PLA2G10: variants seen among roughly 807,000 people sequenced by gnomAD.
PLA2G10 encodes the protein group 10 secretory phospholipase A2.
Under a neutral mutation model 7.9 loss-of-function variants are expected in PLA2G10, and 9 were observed. That is an observed-to-expected ratio of 1.14 (90% confidence interval 0.68 to 1.98). The LOEUF (loss-of-function observed/expected upper bound fraction) is 1.98, where lower values mean the gene tolerates loss of function less well. Among genes scored for constraint, PLA2G10 ranks in the 30% most tolerant of loss-of-function variants. The pLI is 0.00. For synonymous variants in PLA2G10, 19 were observed against 27.5 expected (o/e 0.69, Z 0.97); for missense variants, 53 against 65.4 (o/e 0.81, Z 0.66).
chr16:14,675,657 A>G (rs1960705452), intron 3 of PLA2G10, among the ~76,000 whole-genome samples: 2 of 152,064 alleles, frequency 1.3e-5, no homozygotes, highest in South Asian at 4.1e-4. Flanking sequence ...AAGTGGGCAC[A>G]TGGCCAGGCA....
chr16:14,681,635 A>C (rs1201886043), intron 3 of PLA2G10, among the ~76,000 whole-genome samples: 2 of 152,004 alleles, frequency 1.3e-5, no homozygotes, highest in African/African-American at 2.4e-5. Flanking sequence ...TATTTAAGTC[A>C]GGCCCATAAA....
At chr16:14,677,758 G>T (rs1412780765) in intron 3 of PLA2G10, among the ~76,000 whole-genome samples, 2 of 151,612 alleles carry the variant, frequency 1.3e-5, no homozygotes, top group Non-Finnish European at 2.9e-5. Context: ...GATGGACAAT[G>T]GATGGCTGGA....
chr16:14,672,998 C>T (rs1003647992), intron 3 of PLA2G10, among the ~76,000 whole-genome samples: 82 of 150,600 alleles, frequency 5.4e-4, no homozygotes, highest in African/African-American at 2.0e-3. Flanking sequence ...CAATATTACA[C>T]GATTTCTTTT....
At chr16:14,679,462 A>C (rs549146114) in intron 3 of PLA2G10, among the ~76,000 whole-genome samples, 57 of 152,092 alleles carry the variant, frequency 3.7e-4, no homozygotes, top group Middle Eastern at 6.8e-3. Flanking sequence ...GAGTTCAAGA[A>C]CAGCCTGGCC....
intron 3 of PLA2G10, among the ~76,000 whole-genome samples, chr16:14,674,856 C>T (rs895832394): frequency 2.0e-5 from 3 of 152,036 alleles, no homozygotes; most frequent in Non-Finnish European, 4.4e-5. Context: ...AAGCTAAACA[C>T]GTACAACTAA....
In PLA2G10 at chr16:14,688,178, CTGAT is replaced by C; in HGVS notation, c.338_341del (p.Asn113ArgfsTer27). 2.0e-6 allele frequency: 1 copy of C among 495,954 alleles called. No individual in the cohort carries two copies. The highest frequency in any genetic ancestry group is 3.1e-5 in the East Asian group (1 of 32,516). 30.7% of individuals were successfully genotyped at this position (495,954 alleles called of 1,614,324 possible). Reference sequence around the variant, plus strand: ...CTGGGGACTCACCGCACAGGACGCTCTGATTGACGCACTGCCAGGAGTAGCGCTC... The same window carrying C: ...CTGGGGACTCACCGCACAGGACGCTCTGACGCACTGCCAGGAGTAGCGCTC... On this transcript the variant is annotated frameshift_variant, in exon 3 of 4. Coordinates refer to ENST00000438167, the MANE Select transcript of PLA2G10 (RefSeq NM_003561.3). LOFTEE classifies it high-confidence loss of function.
At chr16:14,674,351 C>G (rs189414686) in intron 3 of PLA2G10, among the ~76,000 whole-genome samples, 18 of 152,222 alleles carry the variant, frequency 1.2e-4, no homozygotes, top group Non-Finnish European at 2.2e-4. Flanking sequence ...TATCAAAATA[C>G]CAACATCATT....
chr16:14,686,772 G>A (rs1013299408), intron 3 of PLA2G10, among the ~76,000 whole-genome samples: 2 of 152,116 alleles, frequency 1.3e-5, no homozygotes, highest in African/African-American at 4.8e-5. Flanking sequence ...TGGAACTATA[G>A]GCGTGAGCCA....
At chr16:14,677,404 GT>G (rs1476118713) in intron 3 of PLA2G10, among the ~76,000 whole-genome samples, 7 of 152,054 alleles carry the variant, frequency 4.6e-5, no homozygotes, top group Non-Finnish European at 8.8e-5. Context: ...GTTTCACTCT[GT>G]TGCCAGGCTG....
chr16:14,673,943 C>CA (rs911250221), intron 3 of PLA2G10, among the ~76,000 whole-genome samples: 1 of 152,074 alleles, frequency 6.6e-6, no homozygotes, highest in African/African-American at 2.4e-5. Context: ...AAGAGGAAAT[C>CA]AAACTACCTC....
At chr16:14,685,321 G>A (rs376858528) in intron 3 of PLA2G10, among the ~76,000 whole-genome samples, 6 of 150,400 alleles carry the variant, frequency 4.0e-5, no homozygotes, top group East Asian at 3.9e-4. Context: ...GCAGTAAGCC[G>A]AGATGGCACC....
At chr16:14,675,290 C>T (rs1960696541) in intron 3 of PLA2G10, among the ~76,000 whole-genome samples, 1 of 151,984 alleles carries the variant, frequency 6.6e-6, no homozygotes, top group African/African-American at 2.4e-5. Flanking sequence ...CCCTATCTCT[C>T]ACCATCTACA....
chr16:14,684,568 A>G (rs1960997164), intron 3 of PLA2G10, among the ~76,000 whole-genome samples: 1 of 152,090 alleles, frequency 6.6e-6, no homozygotes, highest in African/African-American at 2.4e-5. Context: ...CAGGAGGCTG[A>G]GGCAGGAGAA....
chr16:14,681,007 C>CA (rs560138531), intron 3 of PLA2G10, among the ~76,000 whole-genome samples: 15 of 150,632 alleles, frequency 1.0e-4, no homozygotes, highest in Middle Eastern at 3.4e-3. Flanking sequence ...ACTAAAAATA[C>CA]AAAAAAAAAT....
At chr16:14,678,635 T>C in intron 3 of PLA2G10, 1 of 314,738 alleles carries the variant, frequency 3.2e-6, no homozygotes. Flanking sequence ...CAGGGCATGG[T>C]GGCACATACC....
At chr16:14,687,639 G>A (rs530820514) in intron 3 of PLA2G10, among the ~76,000 whole-genome samples, 58 of 151,652 alleles carry the variant, frequency 3.8e-4, no homozygotes, top group East Asian at 7.7e-4. Context: ...CTTCCTTGTC[G>A]TCCAGACATC....
chr16:14,677,028 G>C (rs557926563), intron 3 of PLA2G10, among the ~76,000 whole-genome samples: 1 of 151,932 alleles, frequency 6.6e-6, no homozygotes, highest in Non-Finnish European at 1.5e-5. Flanking sequence ...TTGGGTGATG[G>C]GTGCACTAAA....
rs146616398 is a variant in PLA2G10, at chr16:14,676,430, C to T, written c.356-3681G>A. 3.9e-5 allele frequency among the ~76,000 whole-genome samples: 6 copies of T among 152,322 alleles called. No homozygotes were observed. The East Asian group carries it at 9.6e-4, about 24-fold the overall frequency. ...GTGCAGTGGCTCACGCCTATAATGC[C>T]AGCACTTTGGTAGGCCGAGGTGGGC... On this transcript the variant is annotated intron_variant, in intron 3 of 3. Coordinates refer to ENST00000438167, the MANE Select transcript of PLA2G10 (RefSeq NM_003561.3).
rs535604146 is a variant in PLA2G10 at position 14,678,024 on chromosome 16, A to C, written c.356-5275T>G. 1.1e-3 allele frequency among the ~76,000 whole-genome samples: 163 copies of C among 152,330 alleles called. 2 individuals are homozygous for C. The highest frequency in any genetic ancestry group is 1.6e-3 in the Non-Finnish European group (111 of 68,032). ...TAATATGTGCGAAAATTAGTCATAG[A>C]ACCAGCCAGTGCAGGAACAAGCCTT... On this transcript the variant is annotated intron_variant, in intron 3 of 3. Coordinates refer to ENST00000438167, the MANE Select transcript of PLA2G10 (RefSeq NM_003561.3).
Sources: gnomAD v4.1 joint callset for allele counts (sites outside exome capture counted in the v4.1 genomes callset) on GRCh38, gnomAD v4.1.1 for gene constraint, MANE v1.5 for transcripts, NCBI Gene and HGNC (gene_info 2026-07-23, HGNC 2026-07-21) for gene names.